Variants in SPECC1 observed in about 807,000 individuals in gnomAD.
The protein encoded by SPECC1 is cytospin-B.
Under a neutral mutation model 104.1 loss-of-function variants are expected in SPECC1, and 62 were observed. That is an observed-to-expected ratio of 0.60 (90% CI 0.49 to 0.74). SPECC1 has a LOEUF of 0.74. Among genes scored for constraint, SPECC1 ranks in the 30% least tolerant of loss-of-function variants. The probability of loss-of-function intolerance (pLI) is 0.00; values close to 1 mark genes in which losing one functional copy is unlikely to be tolerated. For missense variants in SPECC1, 1,306 were observed against 1,310.5 expected (o/e 1.00, Z 0.05); for synonymous variants, 513 against 501.6 (o/e 1.02, Z -0.30).
chr17:20,281,351 A>G (rs763406748), intron 12 of SPECC1, among the ~76,000 whole-genome samples: 2 of 152,220 alleles, frequency 1.3e-5, no homozygotes, highest in Non-Finnish European at 2.9e-5. Context: ...GGAATCTTGC[A>G]GTGGCTCGCC....
At chr17:20,099,784 A>T (rs889302279) in intron 2 of SPECC1, among the ~76,000 whole-genome samples, 3 of 151,532 alleles carry the variant, frequency 2.0e-5, no homozygotes, top group Non-Finnish European at 2.9e-5. Context: ...ACAATGAATG[A>T]GATGCTGGAC....
Position 20,314,147 on chromosome 17 carries a change from C to G in SPECC1, c.*82C>G. The stretch of plus-strand genomic sequence containing the variant: ...GCCTGATTACTGTCCACTGACCCTG[C>G]TCTGCCCACCACCCAGCTGCCTAGA... On this transcript the variant is annotated 3_prime_UTR_variant, in exon 15 of 15. Coordinates refer to ENST00000395527, the MANE Select transcript of SPECC1 (RefSeq NM_001243439.2). 8.5e-7 allele frequency: 1 copy of G among 1,178,214 alleles called. No homozygotes were observed. Among genetic ancestry groups the G allele is most frequent in the Non-Finnish European group, 1.2e-6 (1 of 807,146 alleles). 73.0% of individuals were successfully genotyped at this position (1,178,214 alleles called of 1,614,324 possible). A position where few individuals can be genotyped will look rare whatever the true frequency, so the allele number is the denominator to read the frequency against.
chr17:20,021,831 C>T (rs565314839), intron 1 of SPECC1, among the ~76,000 whole-genome samples: 23 of 147,940 alleles, frequency 1.6e-4, no homozygotes, highest in Non-Finnish European at 3.1e-4. Context: ...CCACTGCACC[C>T]GGCCATCCCA....
At chr17:20,062,995 G>T (rs867219849) in intron 1 of SPECC1, among the ~76,000 whole-genome samples, 1 of 151,958 alleles carries the variant, frequency 6.6e-6, no homozygotes, top group Non-Finnish European at 1.5e-5. Flanking sequence ...GCCAAGAAAC[G>T]CATTCTTATA....
intron 12 of SPECC1, among the ~76,000 whole-genome samples, chr17:20,270,543 C>CA (rs1221987950): frequency 6.7e-6 from 1 of 148,482 alleles, no homozygotes; most frequent in African/African-American, 2.5e-5. Context: ...TACTTGAGCC[C>CA]AGAAGTTCAA....
chr17:20,312,885 A>G (rs1458624784), intron 14 of SPECC1, among the ~76,000 whole-genome samples: 2 of 152,174 alleles, frequency 1.3e-5, no homozygotes, highest in African/African-American at 2.4e-5. Flanking sequence ...CAGGGGATGA[A>G]TGGCTCATTA....
chr17:20,254,552 C>T (rs563579770), intron 10 of SPECC1, among the ~76,000 whole-genome samples: 23 of 152,262 alleles, frequency 1.5e-4, no homozygotes, highest in Admixed American at 6.5e-4. Context: ...TGACCCAGTT[C>T]GCCTGCCCAG....
intron 3 of SPECC1, among the ~76,000 whole-genome samples, chr17:20,122,358 T>A (rs999843410): frequency 4.6e-5 from 7 of 152,122 alleles, no homozygotes; most frequent in African/African-American, 1.7e-4. Flanking sequence ...GCTTGGAGGC[T>A]AGGGCTGTGG....
At chr17:20,203,000 T>C (rs1214642393) in intron 3 of SPECC1, among the ~76,000 whole-genome samples, 2 of 152,186 alleles carry the variant, frequency 1.3e-5, no homozygotes, top group Non-Finnish European at 2.9e-5. Context: ...CTTTATGTCA[T>C]CAGGATTCAG....
At chr17:20,311,739 A>G (rs2142233068) in intron 14 of SPECC1, among the ~76,000 whole-genome samples, 1 of 152,164 alleles carries the variant, frequency 6.6e-6, no homozygotes, top group Admixed American at 6.6e-5. Context: ...TTACGGGGGG[A>G]ATGTTCAGGT....
intron 1 of SPECC1, among the ~76,000 whole-genome samples, chr17:20,071,712 T>A (rs1389138695): frequency 6.6e-6 from 1 of 152,222 alleles, no homozygotes; most frequent in Non-Finnish European, 1.5e-5. Context: ...TAGGATTTTT[T>A]TTAACGTGAT....
At chr17:20,094,623 A>G (rs942171835) in intron 1 of SPECC1, among the ~76,000 whole-genome samples, 4 of 152,084 alleles carry the variant, frequency 2.6e-5, no homozygotes, top group African/African-American at 9.7e-5. Flanking sequence ...ATGTAGACAG[A>G]TTGCAAAATC....
intron 4 of SPECC1, among the ~76,000 whole-genome samples, chr17:20,224,470 G>C (rs1039112713): frequency 3.3e-5 from 5 of 152,216 alleles, no homozygotes; most frequent in Non-Finnish European, 7.3e-5. Context: ...GTCTAGAAAT[G>C]CTACTTGGGA....
intron 3 of SPECC1, among the ~76,000 whole-genome samples, chr17:20,115,538 TC>T (rs1383329721): frequency 6.6e-6 from 1 of 151,844 alleles, no homozygotes; most frequent in African/African-American, 2.4e-5. Flanking sequence ...TGCATAGGAT[TC>T]AACAATAAAT....
chr17:20,260,433 C>T, intron 12 of SPECC1, 139 bp downstream of exon 12: 1 of 693,104 alleles, frequency 1.4e-6, no homozygotes, highest in Non-Finnish European at 2.3e-6. Flanking sequence ...GGCAGGGCTG[C>T]CAGGGAATGT....
At chr17:20,134,898 C>A (rs185673817) in intron 3 of SPECC1, among the ~76,000 whole-genome samples, 36 of 152,248 alleles carry the variant, frequency 2.4e-4, no homozygotes, top group Admixed American at 1.6e-3. Flanking sequence ...GTTTTATGTT[C>A]CAGAAGAAAG....
chr17:20,048,861 CAGCCTGGATGACAG>C (rs2045639118), intron 1 of SPECC1, among the ~76,000 whole-genome samples: 1 of 151,756 alleles, frequency 6.6e-6, no homozygotes, highest in Non-Finnish European at 1.5e-5. Flanking sequence ...CATGGCATTC[CAGCCTGGATGACAG>C]AGTGAGACCC....
chr17:20,099,688 C>G (rs12947669), intron 2 of SPECC1, among the ~76,000 whole-genome samples: 2 of 90,132 alleles, frequency 2.2e-5, no homozygotes, highest in Admixed American at 1.6e-4. Context: ...GAGTGACACT[C>G]TATCTCAAAA....
chr17:20,155,765 C>A, intron 3 of SPECC1: 2 of 314,794 alleles, frequency 6.4e-6, no homozygotes, highest in Non-Finnish European at 9.7e-6. Flanking sequence ...TCCAGCCTAC[C>A]TTGTGCAGCT....
Sources: allele counts gnomAD v4.1 joint callset (sites outside exome capture counted in the v4.1 genomes callset), GRCh38; gene constraint gnomAD v4.1.1; transcripts MANE v1.5; gene names NCBI Gene and HGNC (gene_info 2026-07-23, HGNC 2026-07-21).